Variants in NFYB observed in about 807,000 individuals in gnomAD.
NFYB encodes the protein CAAT box DNA-binding protein subunit B.
A neutral mutation model predicts 28.0 loss-of-function variants in NFYB; 13 were observed. The observed-to-expected ratio is 0.46, with a 90% CI of 0.30 to 0.74. The LOEUF (loss-of-function observed/expected upper bound fraction) is 0.74, where lower values mean the gene tolerates loss of function less well. NFYB is among the 30% of genes least tolerant of loss of function. The pLI is 0.07. For missense variants in NFYB, 142 were observed against 247.6 expected, an observed-to-expected ratio of 0.57 and a Z score of 2.86; for synonymous variants, 74 against 75.0, an observed-to-expected ratio of 0.99 and a Z score of 0.07.
At position 104,117,939 on chromosome 12, in the gene NFYB, G is replaced by T. The variant is rs920237231; in HGVS notation, c.*1798C>A. 6.5e-4 allele frequency: 99 copies of T among 152,146 alleles called. 1 individual carries two copies. Among genetic ancestry groups the T allele is most frequent in the African/African-American group, 2.3e-3 (95 of 41,412 alleles). The allele number at this position is 152,146 out of a possible 1,614,324, so 9.4% of individuals were successfully genotyped here. A position where few individuals can be genotyped will look rare whatever the true frequency, so the allele number is the denominator to read the frequency against. On this transcript the variant is annotated 3_prime_UTR_variant, in exon 8 of 8. Coordinates refer to ENST00000240055, the MANE Select transcript of NFYB (RefSeq NM_006166.4). Reference sequence around the variant, plus strand: ...GCAATTCAAAGAATTTAAGAAAACAGTCATGGATGTACATGGGATTCAGTG... The same window carrying T: ...GCAATTCAAAGAATTTAAGAAAACATTCATGGATGTACATGGGATTCAGTG...
intron 2 of NFYB, among the ~76,000 whole-genome samples, chr12:104,133,179 A>G (rs1198597328): frequency 6.6e-6 from 1 of 152,176 alleles, no homozygotes; most frequent in Non-Finnish European, 1.5e-5. Flanking sequence ...TGCAATGTTC[A>G]CAAGCCTGTG....
At chr12:104,133,250 T>C (rs936193544) in intron 2 of NFYB, among the ~76,000 whole-genome samples, 1 of 152,222 alleles carries the variant, frequency 6.6e-6, no homozygotes, top group African/African-American at 2.4e-5. Context: ...ACACAGTAAA[T>C]GGGACTGAAA....
chr12:104,129,638 G>A (rs529182265), intron 2 of NFYB, among the ~76,000 whole-genome samples: 3 of 152,182 alleles, frequency 2.0e-5, no homozygotes, highest in Admixed American at 2.0e-4. Flanking sequence ...CAGAACTTTG[G>A]GAAGCCAAGG....
At chr12:104,135,673 TG>T (rs1402982461) in intron 1 of NFYB, 141 bp from the exon 2 acceptor site, 9 of 384,334 alleles carry the variant, frequency 2.3e-5, no homozygotes, top group Non-Finnish European at 4.2e-5. Context: ...ATGGAGTACA[TG>T]GTATAAAATA....
At chr12:104,127,291 G>A (rs548106832) in intron 3 of NFYB, among the ~76,000 whole-genome samples, 2 of 152,138 alleles carry the variant, frequency 1.3e-5, no homozygotes, top group Non-Finnish European at 2.9e-5. Flanking sequence ...TACAAATCAG[G>A]CCAGGCGTGG....
intron 5 of NFYB, among the ~76,000 whole-genome samples, chr12:104,121,633 A>C (rs1036972859): frequency 1.3e-5 from 2 of 152,338 alleles, no homozygotes. Context: ...AGTCTGCAAA[A>C]CACCACCAAT....
chr12:104,133,271 C>T (rs1565827687), intron 2 of NFYB, among the ~76,000 whole-genome samples: 1 of 152,214 alleles, frequency 6.6e-6, no homozygotes, highest in Non-Finnish European at 1.5e-5. Flanking sequence ...TCCAGGGCCT[C>T]AGATGCCAAC....
intron 3 of NFYB, 59 bp downstream of exon 3, chr12:104,128,365 A>G: frequency 8.2e-7 from 1 of 1,225,978 alleles, no homozygotes; most frequent in Non-Finnish European, 1.2e-6. Context: ...TATTAATGAA[A>G]TGTCCACTTT....
intron 4 of NFYB, among the ~76,000 whole-genome samples, chr12:104,123,664 T>C: frequency 6.6e-6 from 1 of 152,072 alleles, no homozygotes; most frequent in East Asian, 1.9e-4. Context: ...AAATCTAATT[T>C]AGATGTAAAA....
intron 4 of NFYB, 106 bp from the exon 5 acceptor site, chr12:104,123,529 T>G: frequency 1.3e-6 from 1 of 796,578 alleles, no homozygotes; most frequent in Non-Finnish European, 2.0e-6. Flanking sequence ...ACTTTATGAC[T>G]ATTTAATCTC....
chr12:104,120,373 A>C (rs1217243969), intron 7 of NFYB, 27 bp downstream of exon 7: 16 of 1,582,396 alleles, frequency 1.0e-5, no homozygotes, highest in Non-Finnish European at 1.4e-5. Flanking sequence ...CAAATTTTTT[A>C]AGCATTTAAA....
chr12:104,128,990 T>G (rs1021766535), intron 2 of NFYB, among the ~76,000 whole-genome samples: 1 of 152,160 alleles, frequency 6.6e-6, no homozygotes, highest in Non-Finnish European at 1.5e-5. Flanking sequence ...TTTGGAAACT[T>G]TCCCACAATT....
chr12:104,117,826 C>T lies in NFYB; in HGVS notation c.*1911G>A, dbSNP rs1427169622. 1.3e-5 allele frequency: 2 copies of T among 152,174 alleles called. No homozygotes were observed. Among genetic ancestry groups the T allele is most frequent in the African/African-American group, 4.8e-5 (2 of 41,428 alleles). The allele number at this position is 152,174 out of a possible 1,614,324, so 9.4% of individuals were successfully genotyped here. On this transcript the variant is annotated 3_prime_UTR_variant, in exon 8 of 8. Coordinates refer to ENST00000240055, the MANE Select transcript of NFYB (RefSeq NM_006166.4). ...TGCTTTTATCAGTTATATAGTGACA[C>T]ACTGCTTGGATCAAGTGGAAAATAT... is the stretch of plus-strand genomic sequence containing the variant.
In NFYB at chr12:104,120,427, A is replaced by G; in HGVS notation, c.564T>C (p.Val188=). The G allele has an allele frequency of 3.1e-6, 5 of 1,613,852 alleles. No homozygotes were observed. Among genetic ancestry groups the G allele is most frequent in the Non-Finnish European group, 4.2e-6 (5 of 1,179,940 alleles). Reference sequence around the variant, plus strand: ...GTTGATATGATGTTGTGTAAACCATAACATTTTGTTGTTGACCGTCTGTGG... The same window carrying G: ...GTTGATATGATGTTGTGTAAACCATGACATTTTGTTGTTGACCGTCTGTGG... ...LITTDGQQQN[V]MVYTTSYQQI... is the part of the protein sequence containing the mutation. The change falls in exon 7 of 8, where the codon GTT becomes GTC. Residue 188 remains valine (V), a synonymous_variant. Coordinates refer to ENST00000240055, the MANE Select transcript of NFYB (RefSeq NM_006166.4).
intron 4 of NFYB, among the ~76,000 whole-genome samples, chr12:104,123,730 C>T (rs942222114): frequency 3.3e-5 from 5 of 152,076 alleles, no homozygotes; most frequent in Admixed American, 1.3e-4. Flanking sequence ...GAGGCCGAGG[C>T]GGGCGGATGA....
At chr12:104,131,906 C>T (rs936676890) in intron 2 of NFYB, 6 of 371,570 alleles carry the variant, frequency 1.6e-5, no homozygotes, top group African/African-American at 1.1e-4. Flanking sequence ...GCTCTGGAAT[C>T]GAATCACCTA....
rs2030316802 is a variant in NFYB, at chr12:104,117,724, T to TA, written c.*2012dup. The TA allele has an allele frequency of 6.6e-6, 1 of 152,220 alleles. No homozygotes were observed. The highest frequency in any genetic ancestry group is 1.5e-5 in the Non-Finnish European group (1 of 68,038). 9.4% of individuals were successfully genotyped at this position (152,220 alleles called of 1,614,324 possible). On this transcript the variant is annotated 3_prime_UTR_variant, in exon 8 of 8. Transcript: ENST00000240055. ...CATACCTGGCCTCAAATTCCTTTTTTATCTTCATTCTCTACTTGAACAAAT... is the reference window on the plus strand; with the variant it reads ...CATACCTGGCCTCAAATTCCTTTTTTAATCTTCATTCTCTACTTGAACAAAT...
intron 5 of NFYB, among the ~76,000 whole-genome samples, chr12:104,122,005 T>C (rs2030493876): frequency 6.6e-6 from 1 of 152,184 alleles, no homozygotes; most frequent in African/African-American, 2.4e-5. Flanking sequence ...AAGATAAACC[T>C]AAGAAATATA....
chr12:104,126,296 AG>A, intron 3 of NFYB, 52 bp from the exon 4 acceptor site: 1 of 1,365,690 alleles, frequency 7.3e-7, no homozygotes, highest in Non-Finnish European at 9.6e-7. Flanking sequence ...TTCTATTTCA[AG>A]ATAGAAAAAA....
Sources: gnomAD v4.1 joint callset for allele counts (sites outside exome capture counted in the v4.1 genomes callset) on GRCh38, gnomAD v4.1.1 for gene constraint, MANE v1.5 for transcripts, NCBI Gene and HGNC (gene_info 2026-07-23, HGNC 2026-07-21) for gene names.